The following TMEM132C variants were observed in gnomAD, a reference collection of about 807,000 sequenced individuals.
The protein encoded by TMEM132C is protein phosphatase 1, regulatory subunit 152.
TMEM132C carries 29 observed loss-of-function variants against 61.4 expected under a neutral mutation model. That is an observed-to-expected ratio of 0.47 (90% CI 0.35 to 0.64). TMEM132C has a LOEUF of 0.64. TMEM132C is among the 30% of genes least tolerant of loss of function. The pLI is 0.00. For missense variants in TMEM132C, 1,408 were observed against 1,476.9 expected, an observed-to-expected ratio of 0.95 and a Z score of 0.76; for synonymous variants, 656 against 633.1, an observed-to-expected ratio of 1.04 and a Z score of -0.54.
chr12:128,442,225 C>A (rs186648071), intron 2 of TMEM132C, among the ~76,000 whole-genome samples: 11 of 152,276 alleles, frequency 7.2e-5, no homozygotes, highest in Middle Eastern at 6.8e-3. Flanking sequence ...GAAGTAAGAA[C>A]TGCTGTTGGT....
chr12:128,504,499 AC>A (rs1325002481), intron 2 of TMEM132C, among the ~76,000 whole-genome samples: 4 of 152,152 alleles, frequency 2.6e-5, no homozygotes, highest in Non-Finnish European at 5.9e-5. Flanking sequence ...GGGCAGCTTA[AC>A]CATCAGGAAT....
chr12:128,334,201 GAT>G (rs1175282935), intron 1 of TMEM132C, among the ~76,000 whole-genome samples: 1 of 152,238 alleles, frequency 6.6e-6, no homozygotes, highest in Non-Finnish European at 1.5e-5. Flanking sequence ...ATTCAGCTCA[GAT>G]GACCTGGAAA....
chr12:128,505,295 G>T (rs1424609145), intron 2 of TMEM132C, among the ~76,000 whole-genome samples: 1 of 152,172 alleles, frequency 6.6e-6, no homozygotes, highest in Non-Finnish European at 1.5e-5. Flanking sequence ...AAGATAGATT[G>T]TTTCCAGCAT....
intron 3 of TMEM132C, among the ~76,000 whole-genome samples, chr12:128,579,317 C>G (rs915958418): frequency 2.0e-5 from 3 of 152,160 alleles, no homozygotes; most frequent in African/African-American, 7.2e-5. Context: ...ATCAATAAAT[C>G]GTTTCTACTC....
At chr12:128,357,606 A>C (rs1424794614) in intron 1 of TMEM132C, among the ~76,000 whole-genome samples, 4 of 151,396 alleles carry the variant, frequency 2.6e-5, no homozygotes, top group Non-Finnish European at 5.9e-5. Context: ...GAGGCAGGAG[A>C]ATTGCTTGAA....
chr12:128,427,264 C>T (rs11616175), intron 2 of TMEM132C, among the ~76,000 whole-genome samples: 20,971 of 152,066 alleles, frequency 0.14, 1,534 homozygotes, highest in Non-Finnish European at 0.16. Context: ...TTGATTGCAT[C>T]GTGCTTGTTG....
intron 1 of TMEM132C, among the ~76,000 whole-genome samples, chr12:128,390,517 A>C (rs1874731675): frequency 6.6e-6 from 1 of 152,088 alleles, no homozygotes; most frequent in African/African-American, 2.4e-5. Context: ...CATGGGGAGC[A>C]CCCAGTCACT....
At chr12:128,648,528 T>C (rs1292448099) in intron 4 of TMEM132C, among the ~76,000 whole-genome samples, 11 of 151,824 alleles carry the variant, frequency 7.2e-5, no homozygotes, top group African/African-American at 2.7e-4. Flanking sequence ...TGGATGAGTG[T>C]GTTTACTGGA....
chr12:128,367,155 A>G (rs12425354), intron 1 of TMEM132C, among the ~76,000 whole-genome samples: 5,217 of 152,290 alleles, frequency 0.034, 141 homozygotes, highest in Admixed American at 0.09. Flanking sequence ...AAAGGCAGCC[A>G]TTGTGACAGG....
chr12:128,566,113 C>T (rs1874689375), intron 3 of TMEM132C, among the ~76,000 whole-genome samples: 1 of 149,176 alleles, frequency 6.7e-6, no homozygotes, highest in African/African-American at 2.5e-5. Context: ...TGGTCCTGAA[C>T]TCCTGGCCTC....
rs144325676 is a variant in TMEM132C, at chr12:128,323,223, T to C, written c.85+55736T>C. 8.6e-3 allele frequency among the ~76,000 whole-genome samples: 1,305 copies of C among 152,292 alleles called. 20 individuals are homozygous for C. The highest frequency in any genetic ancestry group is 0.031 in the African/African-American group (1,272 of 41,560). On this transcript the variant is annotated intron_variant, in intron 1 of 8. Transcript: ENST00000435159. ...GAGGTCCTGGCTTGGTGCAAGGATA[T>C]GGAACCAGAGCCAAGAATTCTATCA...
At chr12:128,362,917 T>C (rs982166907) in intron 1 of TMEM132C, among the ~76,000 whole-genome samples, 6 of 152,192 alleles carry the variant, frequency 3.9e-5, no homozygotes, top group Non-Finnish European at 8.8e-5. Flanking sequence ...AGTGAACGTC[T>C]AGTGGGCTTC....
intron 1 of TMEM132C, among the ~76,000 whole-genome samples, chr12:128,362,178 C>G (rs1248919794): frequency 6.6e-6 from 1 of 152,088 alleles, no homozygotes; most frequent in East Asian, 1.9e-4. Context: ...CAAAAGCTCT[C>G]CTGGTGCCTT....
chr12:128,546,493 C>T (rs1387161260), intron 3 of TMEM132C, among the ~76,000 whole-genome samples: 5 of 151,984 alleles, frequency 3.3e-5, no homozygotes, highest in Non-Finnish European at 7.4e-5. Flanking sequence ...TCTGAGCTTC[C>T]AGGCACCCCA....
chr12:128,274,512 C>A (rs1459155608), intron 1 of TMEM132C, among the ~76,000 whole-genome samples: 1 of 152,114 alleles, frequency 6.6e-6, no homozygotes, highest in East Asian at 1.9e-4. Context: ...CATCTTAATA[C>A]CTTAATTGCT....
intron 1 of TMEM132C, among the ~76,000 whole-genome samples, chr12:128,331,540 G>T (rs1193388): frequency 0.031 from 4,686 of 152,236 alleles, 74 homozygotes; most frequent in African/African-American, 0.034. Context: ...TGCCTGGCTT[G>T]TTTCACTTAG....
intron 3 of TMEM132C, among the ~76,000 whole-genome samples, chr12:128,600,331 TCTC>T (rs564915463): frequency 6.6e-6 from 1 of 152,208 alleles, no homozygotes; most frequent in Admixed American, 6.5e-5. Context: ...GCTCAGCACT[TCTC>T]CTTGCTGCTG....
chr12:128,482,321 G>A (rs1290241637), intron 2 of TMEM132C, among the ~76,000 whole-genome samples: 2 of 151,820 alleles, frequency 1.3e-5, no homozygotes, highest in African/African-American at 4.9e-5. Context: ...TCTAAGTAGG[G>A]GAGTAGTGAT....
intron 1 of TMEM132C, among the ~76,000 whole-genome samples, chr12:128,400,837 T>C (rs1052883394): frequency 3.3e-5 from 5 of 151,988 alleles, no homozygotes; most frequent in African/African-American, 1.2e-4. Context: ...CTCAAACTCC[T>C]GACCTCAAGG....
Sources: allele counts gnomAD v4.1 joint callset (sites outside exome capture counted in the v4.1 genomes callset), GRCh38; gene constraint gnomAD v4.1.1; transcripts MANE v1.5; gene names NCBI Gene and HGNC (gene_info 2026-07-23, HGNC 2026-07-21).